Variants in ABCB4 observed in about 807,000 individuals in gnomAD.
The protein encoded by ABCB4 is phosphatidylcholine translocator ABCB4.
In ABCB4, 76 loss-of-function variants were observed where a neutral mutation model predicts 145.7. The observed-to-expected ratio is 0.52, with a 90% CI of 0.43 to 0.63. The LOEUF (loss-of-function observed/expected upper bound fraction) is 0.63. ABCB4 is among the 30% of genes least tolerant of loss of function. The probability of loss-of-function intolerance (pLI) is 0.00; values close to 1 mark genes in which losing one functional copy is unlikely to be tolerated. For missense variants in ABCB4, 1,234 were observed against 1,553.1 expected, an observed-to-expected ratio of 0.79 and a Z score of 3.45; for synonymous variants, 517 against 566.8, an observed-to-expected ratio of 0.91 and a Z score of 1.25.
intron 3 of ABCB4, among the ~76,000 whole-genome samples, chr7:87,466,301 G>A (rs1812894764): frequency 6.6e-6 from 1 of 152,154 alleles, no homozygotes; most frequent in South Asian, 2.1e-4. Flanking sequence ...GGGTATCAGT[G>A]ATTGAAGATC....
rs773526197 is a variant in ABCB4 at position 87,453,210 on chromosome 7, G to A, written c.345-75C>T. On this transcript the variant is annotated intron_variant, in intron 5 of 27. Coordinates refer to ENST00000649586, the MANE Select transcript of ABCB4 (RefSeq NM_000443.4). ...CTTTTCTTTTCTTTTCTGAAACTGA[G>A]TCTCACTCTGTCACCCAGGCTGGAG... The A allele has an allele frequency of 1.4e-4, 205 of 1,423,414 alleles. 1 individual carries two copies. Among genetic ancestry groups the A allele is most frequent in the Middle Eastern group, 3.7e-4 (2 of 5,414 alleles). The allele number at this position is 1,423,414 out of a possible 1,614,324, so 88.2% of individuals were successfully genotyped here.
chr7:87,401,903 A>G lies in ABCB4; in HGVS notation c.*193T>C, dbSNP rs1234769317. 2.6e-6 allele frequency: 2 copies of G among 765,892 alleles called. No homozygotes were observed. The highest frequency in any genetic ancestry group is 4.5e-6 in the Non-Finnish European group (2 of 446,432). The allele number at this position is 765,892 out of a possible 1,614,324, so 47.4% of individuals were successfully genotyped here. On this transcript the variant is annotated 3_prime_UTR_variant, in exon 28 of 28. Transcript: ENST00000649586. Reference sequence around the variant, plus strand: ...AGCTAGCCTGTTGTTTCAATACTTCATCAAGACAGGTGTCACTTCTAACTC... The same window carrying G: ...AGCTAGCCTGTTGTTTCAATACTTCGTCAAGACAGGTGTCACTTCTAACTC...
chr7:87,429,794 A>C (rs1810077817), intron 15 of ABCB4, among the ~76,000 whole-genome samples: 1 of 152,126 alleles, frequency 6.6e-6, no homozygotes. Flanking sequence ...CCTCTGGCAC[A>C]TGCAAGCCTG....
chr7:87,386,639 T>G, the ABCB4 span, among the ~76,000 whole-genome samples: 76 of 152,208 alleles, frequency 5.0e-4, no homozygotes, highest in Non-Finnish European at 9.1e-4. Flanking sequence ...GATTGCTTAC[T>G]GTTGTGGACT....
chr7:87,454,859 G>T (rs1584769474), intron 4 of ABCB4, among the ~76,000 whole-genome samples: 1 of 152,208 alleles, frequency 6.6e-6, no homozygotes, highest in Admixed American at 6.5e-5. Flanking sequence ...CATCCTGGCG[G>T]TCTCAGCCTT....
chr7:87,446,045 T>G (rs563463819), intron 9 of ABCB4, among the ~76,000 whole-genome samples: 1 of 152,058 alleles, frequency 6.6e-6, no homozygotes, highest in Non-Finnish European at 1.5e-5. Context: ...GAAGAAAGGG[T>G]AGCAAGCTTC....
Position 87,420,024 on chromosome 7 carries a change from T to C in ABCB4, c.2368A>G (p.Met790Val), listed in dbSNP as rs1441992557. 1.2e-6 allele frequency: 2 copies of C among 1,614,154 alleles called. No homozygotes were observed. Among genetic ancestry groups the C allele is most frequent in the Admixed American group, 3.3e-5 (2 of 60,030 alleles). ...GEILTRRLRS[M>V]AFKAMLRQDM... is the part of the protein sequence containing the mutation. Reference sequence around the variant, plus strand: ...TGTCTTAGCATTGCTTTAAAAGCCATTGACCGCAGTCTTCTGGTGAGGATC... The same window carrying C: ...TGTCTTAGCATTGCTTTAAAAGCCACTGACCGCAGTCTTCTGGTGAGGATC... The change falls in exon 19 of 28, where the codon ATG (methionine) becomes GTG (valine). Residue 790 changes from methionine (M) to valine (V), a missense_variant. Coordinates refer to ENST00000649586, the MANE Select transcript of ABCB4 (RefSeq NM_000443.4).
chr7:87,384,815 A>G, the ABCB4 span, among the ~76,000 whole-genome samples: 3 of 152,162 alleles, frequency 2.0e-5, no homozygotes, highest in South Asian at 4.1e-4. Flanking sequence ...AGCATCCTCA[A>G]TGTTTTCTTT....
rs1455805335 is a variant in ABCB4, at chr7:87,409,334, G to C, written c.2983C>G (p.Pro995Ala). Residue 995 changes from proline to alanine, a missense_variant, in exon 24 of 28, where the codon CCA becomes GCA. Pro to Ala is a conservative substitution (Grantham distance 27). Transcript: ENST00000649586. ...VALGHASSFA[P>A]DYAKAKLSAA... ...GACAGCTTAGCTTTAGCATAGTCTG[G>C]AGCAAATGAACTGGCATGTCCTAGA... The C allele has an allele frequency of 6.2e-7, 1 of 1,614,058 alleles. No homozygotes were observed. The highest frequency in any genetic ancestry group is 2.2e-5 in the East Asian group (1 of 44,870).
chr7:87,475,416 G>C lies in ABCB4; in HGVS notation c.50C>G (p.Ala17Gly). ...KNGTAWRPTSAEGDFELGISS... is the reference protein window; with the variant it reads ...KNGTAWRPTSGEGDFELGISS... ...GATGCCCAGTTCAAAGTCGCCCTCC[G>C]CGCTCGTGGGGCGCCAGGCTGTTCC... Residue 17 changes from alanine (A) to glycine (G), a missense_variant, in exon 2 of 28, where the codon GCG (alanine) becomes GGG (glycine). Ala to Gly is a moderately conservative substitution (Grantham distance 60). This residue lies in a region of ABCB4 where 77 missense variants were observed against 73.3 expected (regional missense o/e 1.05). Transcript: ENST00000649586. 1 of 1,614,186 alleles carries C rather than the reference G, an allele frequency of 6.2e-7. No individual in the cohort carries two copies. Among genetic ancestry groups the C allele is most frequent in the Non-Finnish European group, 8.5e-7 (1 of 1,180,024 alleles).
At chr7:87,430,075 T>C (rs1046809845) in intron 15 of ABCB4, among the ~76,000 whole-genome samples, 1 of 152,184 alleles carries the variant, frequency 6.6e-6, no homozygotes, top group Non-Finnish European at 1.5e-5. Context: ...GTATTCCAAA[T>C]GTAGAAACGA....
chr7:87,369,316 G>C, the ABCB4 span: 3 of 1,069,470 alleles, frequency 2.8e-6, no homozygotes, highest in South Asian at 1.4e-5. Flanking sequence ...TTGGATATAT[G>C]CATCTTTACT....
At chr7:87,369,337 C>A in the ABCB4 span, 1 of 1,429,408 alleles carries the variant, frequency 7.0e-7, no homozygotes, top group African/African-American at 1.4e-5. Context: ...CCTGTTTAAC[C>A]TTAGATTTGA....
intron 14 of ABCB4, 99 bp downstream of exon 14, chr7:87,439,568 G>T (rs1562975221): frequency 1.5e-6 from 2 of 1,360,628 alleles, no homozygotes; most frequent in Non-Finnish European, 2.1e-6. Context: ...AGCTCCATTT[G>T]CTATGTTTCT....
chr7:87,436,035 A>G (rs1167719145), intron 14 of ABCB4, among the ~76,000 whole-genome samples: 1 of 152,236 alleles, frequency 6.6e-6, no homozygotes, highest in African/African-American at 2.4e-5. Flanking sequence ...GAACCTGTAC[A>G]TCTGGCTGAG....
intron 18 of ABCB4, among the ~76,000 whole-genome samples, chr7:87,420,830 C>T (rs1809362617): frequency 6.6e-6 from 1 of 152,136 alleles, no homozygotes; most frequent in African/African-American, 2.4e-5. Context: ...TTTTTCAAAA[C>T]TTTGAAGGAC....
At chr7:87,422,030 A>T in intron 18 of ABCB4, 91 bp downstream of exon 18, 1 of 934,468 alleles carries the variant, frequency 1.1e-6, no homozygotes, top group Non-Finnish European at 1.7e-6. Flanking sequence ...AATTTATTTC[A>T]CTGTAAGAAT....
Position 87,475,551 on chromosome 7 carries a change from T to C in ABCB4, c.-6-80A>G, listed in dbSNP as rs997438107. On this transcript the variant is annotated intron_variant, in intron 1 of 27. Transcript: ENST00000649586. ...CACGAGTCGCGGGGCCCGGGGGCAC[T>C]GGGTGGAGGTCCGGCCACTCCCGCC... 6.3e-4 allele frequency: 892 copies of C among 1,416,806 alleles called. 2 individuals carry two copies. The highest frequency in any genetic ancestry group is 8.4e-4 in the Non-Finnish European group (858 of 1,017,682). The allele number at this position is 1,416,806 out of a possible 1,614,324, so 87.8% of individuals were successfully genotyped here.
chr7:87,434,584 C>G (rs902066092), intron 14 of ABCB4, among the ~76,000 whole-genome samples: 1 of 151,950 alleles, frequency 6.6e-6, no homozygotes, highest in Non-Finnish European at 1.5e-5. Flanking sequence ...CCCATCTCTA[C>G]TAAAAATACA....
Sources: allele counts gnomAD v4.1 joint callset (sites outside exome capture counted in the v4.1 genomes callset), GRCh38; gene constraint gnomAD v4.1.1; regional missense constraint gnomAD v4.1.1; transcripts MANE v1.5; gene names NCBI Gene and HGNC (gene_info 2026-07-23, HGNC 2026-07-21).